Variants in STK3 observed in about 807,000 individuals in gnomAD.
STK3 encodes serine/threonine kinase 3.
Under a neutral mutation model 58.0 loss-of-function variants are expected in STK3, and 41 were observed. The observed-to-expected ratio is 0.71, with a 90% CI of 0.55 to 0.92. The LOEUF is 0.92. Ranked by LOEUF, STK3 falls within the 40% of genes least tolerant of loss-of-function variation. The pLI is 0.00. For synonymous variants in STK3, 170 were observed against 191.0 expected (o/e 0.89, Z 0.91); for missense variants, 479 against 602.7 (o/e 0.79, Z 2.15).
intron 1 of STK3, among the ~76,000 whole-genome samples, chr8:98,789,020 A>C (rs992626475): frequency 1.3e-5 from 2 of 152,218 alleles, no homozygotes; most frequent in Admixed American, 6.6e-5. Context: ...CCACAAAACG[A>C]GCCTCAATAA....
chr8:98,528,474 G>C (rs1825909903), intron 9 of STK3, among the ~76,000 whole-genome samples: 1 of 151,886 alleles, frequency 6.6e-6, no homozygotes. Flanking sequence ...TAGAAAGTAA[G>C]CTACTTTCCT....
chr8:98,707,967 C>T (rs1301755776), intron 4 of STK3, among the ~76,000 whole-genome samples: 1 of 151,710 alleles, frequency 6.6e-6, no homozygotes, highest in African/African-American at 2.4e-5. Context: ...GGTGAAACCT[C>T]GTCTCTACTA....
chr8:98,601,303 G>T (rs1816330758), intron 6 of STK3, among the ~76,000 whole-genome samples: 1 of 152,146 alleles, frequency 6.6e-6, no homozygotes, highest in Admixed American at 6.5e-5. Context: ...TCTTACTCAT[G>T]CACTATTTAA....
chr8:98,604,531 C>A (rs987662380), intron 6 of STK3, among the ~76,000 whole-genome samples: 2 of 152,186 alleles, frequency 1.3e-5, no homozygotes, highest in African/African-American at 4.8e-5. Context: ...GACTCTAACC[C>A]CATATTTCCC....
intron 3 of STK3, among the ~76,000 whole-genome samples, chr8:98,864,548 C>G (rs1837062692): frequency 6.6e-6 from 1 of 152,224 alleles, no homozygotes; most frequent in African/African-American, 2.4e-5. Flanking sequence ...TCCATTGTCT[C>G]TACCTTGTAT....
intron 1 of STK3, among the ~76,000 whole-genome samples, chr8:98,893,490 A>AAGAAGGAAAG (rs1838316931): frequency 2.4e-5 from 2 of 82,630 alleles, no homozygotes; most frequent in Non-Finnish European, 5.7e-5. Flanking sequence ...AAGAAAGAGA[A>AAGAAGGAAAG]AGAAAGAAAG....
chr8:98,832,743 ATTTCTCACT>A (rs1835585817), intron 3 of STK3, among the ~76,000 whole-genome samples: 1 of 151,756 alleles, frequency 6.6e-6, no homozygotes, highest in African/African-American at 2.4e-5. Context: ...TTTAATTTCT[ATTTCTCACT>A]GCTCTGCTGT....
intron 6 of STK3, among the ~76,000 whole-genome samples, chr8:98,674,963 TA>T (rs1465767392): frequency 6.6e-6 from 1 of 151,958 alleles, no homozygotes; most frequent in Non-Finnish European, 1.5e-5. Context: ...TTAATTTTAA[TA>T]TGGAATTAAA....
intron 10 of STK3, among the ~76,000 whole-genome samples, chr8:98,474,170 C>T (rs1290790444): frequency 1.3e-5 from 2 of 152,164 alleles, no homozygotes; most frequent in Non-Finnish European, 2.9e-5. Context: ...ATGTCCTCCT[C>T]TTCATCTGCT....
At chr8:98,525,179 C>G (rs1825654747) in intron 10 of STK3, among the ~76,000 whole-genome samples, 1 of 152,124 alleles carries the variant, frequency 6.6e-6, no homozygotes, top group South Asian at 2.1e-4. Context: ...ACAGCAAAGT[C>G]AAATACTGCA....
chr8:98,866,176 G>A (rs1258117394), intron 3 of STK3, among the ~76,000 whole-genome samples: 3 of 152,238 alleles, frequency 2.0e-5, no homozygotes, highest in African/African-American at 7.2e-5. Flanking sequence ...GAGAGAGTGT[G>A]TCTAGTTTTT....
At chr8:98,649,227 T>TA (rs952529929) in intron 6 of STK3, among the ~76,000 whole-genome samples, 1 of 152,212 alleles carries the variant, frequency 6.6e-6, no homozygotes, top group African/African-American at 2.4e-5. Flanking sequence ...TAGTTTTTTT[T>TA]AATATCGTAG....
At chr8:98,359,621 T>C in the STK3 span, among the ~76,000 whole-genome samples, 1 of 152,116 alleles carries the variant, frequency 6.6e-6, no homozygotes, top group African/African-American at 2.4e-5. Flanking sequence ...CTCACTGCAA[T>C]AGTCTCCTAA....
At chr8:98,557,047 G>A (rs538288490) in intron 8 of STK3, among the ~76,000 whole-genome samples, 2 of 152,100 alleles carry the variant, frequency 1.3e-5, no homozygotes, top group African/African-American at 4.8e-5. Flanking sequence ...ATATGATCAA[G>A]GAAATGAAAT....
Position 98,884,687 on chromosome 8 carries a change from A to G in STK3, c.-78-853T>C, listed in dbSNP as rs376538579. 1.9e-3 allele frequency among the ~76,000 whole-genome samples: 294 copies of G among 151,928 alleles called. 8 individuals carry two copies. The South Asian group carries it at 0.059, about 31-fold the overall frequency. On this transcript the variant is annotated intron_variant, in intron 1 of 1. Transcript: ENST00000519420. The stretch of plus-strand genomic sequence containing the variant: ...TCAGGTCATTATACGATTTAATAAC[A>G]CCTCTCCTGTATAGAATGTATCCCA...
intron 10 of STK3, among the ~76,000 whole-genome samples, chr8:98,460,482 G>T (rs1216114484): frequency 6.6e-6 from 1 of 152,188 alleles, no homozygotes; most frequent in Admixed American, 6.5e-5. Flanking sequence ...ACACGTTGGG[G>T]AACTATTGAA....
rs1408307020 is a variant in STK3, at chr8:98,706,560, G to T, written c.591C>A (p.Gly197=). The T allele has an allele frequency of 1.9e-6, 3 of 1,613,594 alleles. No homozygotes were observed. Among genetic ancestry groups the T allele is most frequent in the Non-Finnish European group, 2.5e-6 (3 of 1,179,820 alleles). The change falls in exon 6 of 11, where the codon GGC becomes GGA. Residue 197 remains glycine, a synonymous_variant. Transcript: ENST00000419617. ...WMAPEVIQEI[G]YNCVADIWSL... ...ACCAGATGTCGGCCACACAGTTATAGCCTATTTCTTGAATCACCTCAGGAG... is the reference window on the plus strand; with the variant it reads ...ACCAGATGTCGGCCACACAGTTATATCCTATTTCTTGAATCACCTCAGGAG...
chr8:98,539,020 A>AT (rs1177043948), intron 9 of STK3, among the ~76,000 whole-genome samples: 13 of 152,296 alleles, frequency 8.5e-5, no homozygotes, highest in African/African-American at 2.9e-4. Flanking sequence ...CTTTATTGTC[A>AT]TATCCCGGGC....
chr8:98,749,690 G>A (rs1342482776), intron 3 of STK3, among the ~76,000 whole-genome samples: 2 of 151,964 alleles, frequency 1.3e-5, no homozygotes, highest in Non-Finnish European at 2.9e-5. Flanking sequence ...AGGAACAAAT[G>A]AAAATTTTTC....
Sources: gnomAD v4.1 joint callset for allele counts (sites outside exome capture counted in the v4.1 genomes callset) on GRCh38, gnomAD v4.1.1 for gene constraint, MANE v1.5 for transcripts, NCBI Gene and HGNC (gene_info 2026-07-23, HGNC 2026-07-21) for gene names.